The following GPC6 variants were observed in gnomAD, a reference collection of about 807,000 sequenced individuals.
GPC6 encodes the protein glypican-6.
Under a neutral mutation model 55.2 loss-of-function variants are expected in GPC6, and 14 were observed. That is an observed-to-expected ratio of 0.25 (90% confidence interval 0.17 to 0.40). GPC6 has a LOEUF of 0.40. GPC6 is among the 10% of genes least tolerant of loss of function. The probability of loss-of-function intolerance (pLI) is 1.00; values close to 1 mark genes in which losing one functional copy is unlikely to be tolerated. For synonymous variants in GPC6, 278 were observed against 259.6 expected, an observed-to-expected ratio of 1.07 and a Z score of -0.68; for missense variants, 641 against 708.5, an observed-to-expected ratio of 0.90 and a Z score of 1.08.
intron 3 of GPC6, among the ~76,000 whole-genome samples, chr13:93,929,479 A>G (rs1878044292): frequency 6.6e-6 from 1 of 152,238 alleles, no homozygotes; most frequent in Admixed American, 6.5e-5. Context: ...CTAACATTTT[A>G]TACAAAATTA....
chr13:93,438,187 G>A (rs1255327403), intron 1 of GPC6, among the ~76,000 whole-genome samples: 2 of 152,136 alleles, frequency 1.3e-5, no homozygotes, highest in Non-Finnish European at 2.9e-5. Flanking sequence ...CAAGAGCTCT[G>A]ATGGAGATGT....
At chr13:94,258,930 GT>G (rs943499622) in intron 4 of GPC6, among the ~76,000 whole-genome samples, 5 of 152,138 alleles carry the variant, frequency 3.3e-5, no homozygotes, top group Non-Finnish European at 7.3e-5. Flanking sequence ...TGTAACAAGG[GT>G]GGGGCAGGAA....
At chr13:94,279,143 C>A (rs540037606) in intron 4 of GPC6, among the ~76,000 whole-genome samples, 2 of 152,068 alleles carry the variant, frequency 1.3e-5, no homozygotes, top group South Asian at 4.2e-4. Context: ...AGGGATTCAA[C>A]TTCTTCCTGG....
chr13:93,522,216 G>C (rs1056254251), intron 1 of GPC6, among the ~76,000 whole-genome samples: 1 of 151,912 alleles, frequency 6.6e-6, no homozygotes, highest in African/African-American at 2.4e-5. Flanking sequence ...CTGTTGGTTA[G>C]AGATAATTGA....
At chr13:93,623,948 T>C (rs138477748) in intron 2 of GPC6, among the ~76,000 whole-genome samples, 297 of 152,240 alleles carry the variant, frequency 2.0e-3, no homozygotes, top group African/African-American at 7.0e-3. Context: ...TTTTCTCCCT[T>C]GAGTTATTTG....
In GPC6 at chr13:93,231,580, T is replaced by G. The variant is rs546672023; in HGVS notation, c.160+3964T>G. 4.0e-5 allele frequency among the ~76,000 whole-genome samples: 6 copies of G among 151,816 alleles called. No individual in the cohort carries two copies. The East Asian group carries it at 1.2e-3, about 29-fold the overall frequency. ...ATTTTGTATTCTCAGGAATTGGCCA[T>G]GCTACCACCATTAAATGGTTCATGC... On this transcript the variant is annotated intron_variant, in intron 1 of 8. Transcript: ENST00000377047.
Position 93,805,148 on chromosome 13 carries a change from A to G in GPC6, c.320-25006A>G, listed in dbSNP as rs1886504931. On this transcript the variant is annotated intron_variant, in intron 2 of 8. Transcript: ENST00000377047. ...GTAATGAGGTTTAAGAATAATTTAC[A>G]ATAAAACCCATATGAATAGCAAGGG... Among the ~76,000 whole-genome samples the G allele has an allele frequency of 1.3e-5, 2 of 152,210 alleles. 1 individual carries two copies. Among genetic ancestry groups the G allele is most frequent in the South Asian group, 4.1e-4 (2 of 4,834 alleles).
chr13:93,370,438 GTTCTA>G (rs1356513803), intron 1 of GPC6, among the ~76,000 whole-genome samples: 1 of 152,060 alleles, frequency 6.6e-6, no homozygotes, highest in Non-Finnish European at 1.5e-5. Flanking sequence ...ATTTAAAACT[GTTCTA>G]TTCTTTACGC....
In GPC6 at chr13:93,830,529, C is replaced by T. The variant is rs1399824935; in HGVS notation, c.695C>T (p.Ala232Val). The change falls in exon 3 of 9, where the codon GCA becomes GTA. Residue 232 changes from alanine (A) to valine (V), a missense_variant. Ala to Val is a moderately conservative substitution (Grantham distance 64, BLOSUM62 0). Coordinates refer to ENST00000377047, the MANE Select transcript of GPC6 (RefSeq NM_005708.5). ...VQGLTVGREV[A>V]NRVSKVSPTP... is the part of the protein sequence containing the mutation. ...GGGCTGACTGTGGGCAGAGAAGTTGCAAACCGAGTTTCCAAGGTAATTGAA... is the reference window on the plus strand; with the variant it reads ...GGGCTGACTGTGGGCAGAGAAGTTGTAAACCGAGTTTCCAAGGTAATTGAA... 1 of 1,593,542 alleles carries T rather than the reference C, an allele frequency of 6.3e-7. No individual in the cohort carries two copies.
intron 2 of GPC6, among the ~76,000 whole-genome samples, chr13:93,817,061 G>T (rs10047752): frequency 0.38 from 57,832 of 151,970 alleles, 11,881 homozygotes; most frequent in African/African-American, 0.53. Flanking sequence ...AATCCTCATA[G>T]AATCTGGGTC....
intron 4 of GPC6, among the ~76,000 whole-genome samples, chr13:94,197,102 T>C (rs1305698717): frequency 6.6e-6 from 1 of 152,144 alleles, no homozygotes; most frequent in Non-Finnish European, 1.5e-5. Flanking sequence ...GAAAGGAAAT[T>C]ACTAAGGCTG....
chr13:93,853,505 C>A (rs543541390), intron 3 of GPC6, among the ~76,000 whole-genome samples: 6 of 151,276 alleles, frequency 4.0e-5, no homozygotes, highest in African/African-American at 1.2e-4. Context: ...TCTAATAGAC[C>A]GTTCTATATA....
At chr13:93,831,483 A>G (rs923403237) in intron 3 of GPC6, among the ~76,000 whole-genome samples, 5 of 151,936 alleles carry the variant, frequency 3.3e-5, no homozygotes, top group African/African-American at 1.2e-4. Flanking sequence ...CCCAAACACT[A>G]CTTTTCTATT....
chr13:93,513,735 TC>T (rs1447308053), intron 1 of GPC6, among the ~76,000 whole-genome samples: 2 of 152,218 alleles, frequency 1.3e-5, no homozygotes, highest in African/African-American at 4.8e-5. Context: ...TGACTAAACC[TC>T]TACTTTATGC....
intron 6 of GPC6, among the ~76,000 whole-genome samples, chr13:94,333,847 A>G (rs1314852153): frequency 6.6e-6 from 1 of 152,210 alleles, no homozygotes; most frequent in East Asian, 1.9e-4. Flanking sequence ...AGTGAAGCTG[A>G]GTCCAAATGC....
At chr13:93,373,081 A>G (rs901824808) in intron 1 of GPC6, among the ~76,000 whole-genome samples, 1 of 152,224 alleles carries the variant, frequency 6.6e-6, no homozygotes, top group African/African-American at 2.4e-5. Flanking sequence ...TGTGGTGTAT[A>G]ATAGTACAAA....
intron 4 of GPC6, among the ~76,000 whole-genome samples, chr13:94,034,596 C>G (rs1883269367): frequency 6.6e-6 from 1 of 151,990 alleles, no homozygotes; most frequent in Non-Finnish European, 1.5e-5. Context: ...ATACAATAGG[C>G]AAGTCGTCAT....
At chr13:93,257,561 C>T (rs1876998331) in intron 1 of GPC6, among the ~76,000 whole-genome samples, 1 of 152,114 alleles carries the variant, frequency 6.6e-6, no homozygotes, top group South Asian at 2.1e-4. Flanking sequence ...TAAAACAGAA[C>T]ATTTATTGAG....
chr13:93,418,995 A>G (rs902081320), intron 1 of GPC6, among the ~76,000 whole-genome samples: 10 of 151,142 alleles, frequency 6.6e-5, no homozygotes, highest in Admixed American at 2.6e-4. Flanking sequence ...GCACTATACC[A>G]TAGTATCATT....
Sources: gnomAD v4.1 joint callset for allele counts (sites outside exome capture counted in the v4.1 genomes callset) on GRCh38, gnomAD v4.1.1 for gene constraint, MANE v1.5 for transcripts, NCBI Gene and HGNC (gene_info 2026-07-23, HGNC 2026-07-21) for gene names.